The following STAG1 variants were observed in gnomAD, a reference collection of about 807,000 sequenced individuals.
STAG1 encodes STAG1 cohesin complex component.
In STAG1, 26 loss-of-function variants were observed where a neutral mutation model predicts 170.9. The observed-to-expected ratio is 0.15, with a 90% CI of 0.11 to 0.21. The LOEUF (loss-of-function observed/expected upper bound fraction) is 0.21. STAG1 is among the 10% of genes least tolerant of loss of function. The pLI is 1.00. For synonymous variants in STAG1, 514 were observed against 497.7 expected (o/e 1.03, Z -0.44); for missense variants, 964 against 1,509.5 (o/e 0.64, Z 5.99).
chr3:136,570,306 CT>C (rs560655175), intron 4 of STAG1, among the ~76,000 whole-genome samples: 21 of 152,056 alleles, frequency 1.4e-4, no homozygotes, highest in Non-Finnish European at 3.1e-4. Context: ...ATGATATCAT[CT>C]TTTTTTATTT....
At chr3:136,456,166 C>T (rs926353027) in intron 13 of STAG1, among the ~76,000 whole-genome samples, 3 of 152,026 alleles carry the variant, frequency 2.0e-5, no homozygotes, top group Admixed American at 2.0e-4. Context: ...AGCAACAGAT[C>T]CAGAAAAACT....
At chr3:136,573,119 C>A (rs981463888) in intron 4 of STAG1, among the ~76,000 whole-genome samples, 1 of 151,126 alleles carries the variant, frequency 6.6e-6, no homozygotes, top group Non-Finnish European at 1.5e-5. Context: ...TTTAAGGTTG[C>A]AATGAACTGT....
chr3:136,389,912 A>T (rs1027017293), intron 22 of STAG1, among the ~76,000 whole-genome samples: 7 of 149,550 alleles, frequency 4.7e-5, no homozygotes, highest in African/African-American at 1.2e-4. Flanking sequence ...GCTCATTGCA[A>T]CCTCTGCCTC....
At chr3:136,528,271 C>A (rs985012657) in intron 6 of STAG1, among the ~76,000 whole-genome samples, 12 of 152,134 alleles carry the variant, frequency 7.9e-5, no homozygotes, top group African/African-American at 2.9e-4. Context: ...CCTACTCAAG[C>A]CTCAGCAATG....
At chr3:136,708,732 C>T (rs1051270913) in intron 1 of STAG1, among the ~76,000 whole-genome samples, 1 of 152,102 alleles carries the variant, frequency 6.6e-6, no homozygotes, top group African/African-American at 2.4e-5. Context: ...TACTATATAG[C>T]TACTTAAAAT....
chr3:136,733,017 TG>T (rs1934129638), intron 1 of STAG1, among the ~76,000 whole-genome samples: 1 of 152,120 alleles, frequency 6.6e-6, no homozygotes. Flanking sequence ...GATTACGATA[TG>T]TCTTTTAAGA....
intron 14 of STAG1, among the ~76,000 whole-genome samples, chr3:136,450,486 T>C (rs1397980660): frequency 6.6e-6 from 1 of 152,222 alleles, no homozygotes; most frequent in African/African-American, 2.4e-5. Context: ...TTCACCACTT[T>C]CTGCTGTTTT....
At chr3:136,414,391 T>C (rs1428572096) in intron 21 of STAG1, among the ~76,000 whole-genome samples, 3 of 152,204 alleles carry the variant, frequency 2.0e-5, no homozygotes, top group Non-Finnish European at 4.4e-5. Context: ...CTAAATACCA[T>C]CTCTTTCATT....
At position 136,710,787 on chromosome 3, in the gene STAG1, CA is replaced by C. The variant is rs570836999; in HGVS notation, c.-84+41407del. ...AAACTAAATGCCAAAGTCCCCCTACCAAAAAAAAAATGAAGTGAAATGGTCA... is the reference window on the plus strand; with the variant it reads ...AAACTAAATGCCAAAGTCCCCCTACCAAAAAAAAATGAAGTGAAATGGTCA... On this transcript the variant is annotated intron_variant, in intron 1 of 33. Coordinates refer to ENST00000383202, the MANE Select transcript of STAG1 (RefSeq NM_005862.3). 5.1e-4 allele frequency among the ~76,000 whole-genome samples: 74 copies of C among 145,522 alleles called. 1 individual carries two copies. The South Asian group carries it at 0.014, about 27-fold the overall frequency.
Position 136,504,946 on chromosome 3 carries a change from A to G in STAG1, c.677-2167T>C, listed in dbSNP as rs181151047. Among the ~76,000 whole-genome samples, 29 of 152,348 alleles carry G rather than the reference A, an allele frequency of 1.9e-4. No homozygotes were observed. The East Asian group carries it at 3.1e-3, about 16-fold the overall frequency. On this transcript the variant is annotated intron_variant, in intron 7 of 33. Coordinates refer to ENST00000383202, the MANE Select transcript of STAG1 (RefSeq NM_005862.3). ...AGACAAGACATGTTAAAAATGATCA[A>G]TATATCTTCGGAAACATATTAGGTA... is the stretch of plus-strand genomic sequence containing the variant.
intron 1 of STAG1, among the ~76,000 whole-genome samples, chr3:136,727,616 T>TA (rs1933761696): frequency 6.6e-6 from 1 of 152,200 alleles, no homozygotes; most frequent in Non-Finnish European, 1.5e-5. Context: ...CTCTGAGAGA[T>TA]ACTTTCCCCC....
At chr3:136,731,222 T>C (rs1336657388) in intron 1 of STAG1, among the ~76,000 whole-genome samples, 3 of 152,070 alleles carry the variant, frequency 2.0e-5, no homozygotes, top group African/African-American at 7.2e-5. Context: ...AAGGCATTCA[T>C]TACCCACTAC....
At chr3:136,466,149 C>T (rs751405873) in intron 12 of STAG1, among the ~76,000 whole-genome samples, 9 of 152,214 alleles carry the variant, frequency 5.9e-5, no homozygotes, top group East Asian at 1.9e-4. Flanking sequence ...CAAAGCTGGA[C>T]GGAGAATGAC....
rs1943325392 is a variant in STAG1, at chr3:136,709,504, G to A, written c.-84+42691C>T. 2.0e-5 allele frequency among the ~76,000 whole-genome samples: 3 copies of A among 151,880 alleles called. No individual in the cohort carries two copies. The South Asian group carries it at 6.2e-4, about 32-fold the overall frequency. ...AATCACAGCAATTTGGGAGGTCGAG[G>A]CAGGAGGACTGCTTGAGGTCAGGAG... On this transcript the variant is annotated intron_variant, in intron 1 of 33. Transcript: ENST00000383202.
chr3:136,527,547 T>C (rs2107920930), intron 6 of STAG1, among the ~76,000 whole-genome samples: 1 of 152,258 alleles, frequency 6.6e-6, no homozygotes, highest in East Asian at 1.9e-4. Flanking sequence ...CTTCCTCCTT[T>C]AGCTCAGAAA....
intron 3 of STAG1, among the ~76,000 whole-genome samples, chr3:136,612,205 G>A (rs143670370): frequency 3.5e-4 from 53 of 152,266 alleles, no homozygotes; most frequent in South Asian, 1.7e-3. Context: ...GAACTTCAGA[G>A]CATTTCAGAT....
At chr3:136,715,867 G>A (rs1300568606) in intron 1 of STAG1, among the ~76,000 whole-genome samples, 1 of 146,142 alleles carries the variant, frequency 6.8e-6, no homozygotes, top group Non-Finnish European at 1.5e-5. Context: ...GGAGGCCAAG[G>A]CAGGCAGATC....
At chr3:136,611,184 T>A (rs779660275) in intron 3 of STAG1, among the ~76,000 whole-genome samples, 1 of 152,162 alleles carries the variant, frequency 6.6e-6, no homozygotes, top group Non-Finnish European at 1.5e-5. Context: ...AGTTTCACTC[T>A]TGCCGCCCAG....
At chr3:136,575,169 G>C (rs1368562529) in intron 4 of STAG1, among the ~76,000 whole-genome samples, 1 of 152,168 alleles carries the variant, frequency 6.6e-6, no homozygotes, top group East Asian at 1.9e-4. Flanking sequence ...CTAAGTTACA[G>C]TTTATATAAA....
Sources: allele counts gnomAD v4.1 joint callset (sites outside exome capture counted in the v4.1 genomes callset), GRCh38; gene constraint gnomAD v4.1.1; transcripts MANE v1.5; gene names NCBI Gene and HGNC (gene_info 2026-07-23, HGNC 2026-07-21).